The following LRP1B variants were observed in gnomAD, a reference collection of about 807,000 sequenced individuals.
LRP1B encodes low-density lipoprotein receptor-related protein 1B.
In LRP1B, 217 loss-of-function variants were observed where a neutral mutation model predicts 556.6. The observed-to-expected ratio is 0.39, with a 90% CI of 0.35 to 0.44. The LOEUF (loss-of-function observed/expected upper bound fraction) is 0.44, where lower values mean the gene tolerates loss of function less well. Among genes scored for constraint, LRP1B ranks in the 20% least tolerant of loss-of-function variants. The pLI is 1.00. For missense variants in LRP1B, 5,053 were observed against 5,620.8 expected (o/e 0.90, Z 3.23); for synonymous variants, 2,047 against 1,865.8 (o/e 1.10, Z -2.50).
At chr2:140,542,975 C>T (rs1000094709) in intron 43 of LRP1B, among the ~76,000 whole-genome samples, 1 of 152,144 alleles carries the variant, frequency 6.6e-6, no homozygotes, top group African/African-American at 2.4e-5. Context: ...TTAACACCAA[C>T]CAGATTCAAA....
chr2:141,729,462 G>A (rs1278934028), intron 2 of LRP1B, among the ~76,000 whole-genome samples: 3 of 152,096 alleles, frequency 2.0e-5, no homozygotes, highest in Non-Finnish European at 4.4e-5. Flanking sequence ...TAAGTTCTGT[G>A]AGCTATTGTA....
chr2:142,041,748 G>A (rs920873724), intron 1 of LRP1B, among the ~76,000 whole-genome samples: 1 of 151,114 alleles, frequency 6.6e-6, no homozygotes, highest in Non-Finnish European at 1.5e-5. Flanking sequence ...TGGGAAGTAG[G>A]AGAGACACAA....
chr2:140,436,641 G>A (rs1686196675), intron 66 of LRP1B, among the ~76,000 whole-genome samples: 1 of 149,044 alleles, frequency 6.7e-6, no homozygotes, highest in Non-Finnish European at 1.5e-5. Flanking sequence ...GCCAGTGTGA[G>A]AAGTAGAGAA....
chr2:141,626,080 C>T (rs1369157541), intron 2 of LRP1B, among the ~76,000 whole-genome samples: 2 of 152,058 alleles, frequency 1.3e-5, no homozygotes, highest in East Asian at 3.9e-4. Flanking sequence ...ACACATACTA[C>T]ACTGCTTTAC....
rs551789821 is a variant in LRP1B, at chr2:140,416,187, T to G, written c.10414+26317A>C. ...ATCAGCTGTGGCATTAGATTCTCAA[T>G]GTGAACCCTATCGTGAAATGCATAT... On this transcript the variant is annotated intron_variant, in intron 66 of 90. Transcript: ENST00000389484. 2.0e-5 allele frequency among the ~76,000 whole-genome samples: 3 copies of G among 152,320 alleles called. 1 individual carries two copies.
intron 49 of LRP1B, among the ~76,000 whole-genome samples, chr2:140,519,092 C>T (rs187190327): frequency 1.5e-4 from 23 of 152,188 alleles, no homozygotes; most frequent in African/African-American, 5.5e-4. Flanking sequence ...ACTTTCTTCA[C>T]AGAATTGGAA....
intron 1 of LRP1B, among the ~76,000 whole-genome samples, chr2:141,984,325 A>AG (rs1339395087): frequency 1.3e-5 from 2 of 151,692 alleles, no homozygotes; most frequent in African/African-American, 2.4e-5. Context: ...AATTTGGGAA[A>AG]GGGGGAAAAA....
At chr2:141,270,949 T>C (rs1685068220) in intron 3 of LRP1B, among the ~76,000 whole-genome samples, 1 of 152,012 alleles carries the variant, frequency 6.6e-6, no homozygotes, top group Non-Finnish European at 1.5e-5. Flanking sequence ...TTATATTATA[T>C]GTGTGTTACC....
intron 1 of LRP1B, among the ~76,000 whole-genome samples, chr2:142,118,283 C>T (rs1179493311): frequency 6.6e-6 from 1 of 152,122 alleles, no homozygotes; most frequent in African/African-American, 2.4e-5. Flanking sequence ...AAGAATTTTA[C>T]TAATCCTCTT....
At chr2:142,077,474 A>G (rs969914146) in intron 1 of LRP1B, among the ~76,000 whole-genome samples, 21 of 152,164 alleles carry the variant, frequency 1.4e-4, no homozygotes. Flanking sequence ...TTGCAACTAC[A>G]TATTTCACTT....
At chr2:141,288,628 T>G (rs1424674566) in intron 3 of LRP1B, among the ~76,000 whole-genome samples, 2 of 152,200 alleles carry the variant, frequency 1.3e-5, no homozygotes, top group Non-Finnish European at 2.9e-5. Flanking sequence ...TGAAACTGAT[T>G]ATCTTAAATG....
chr2:141,905,111 GGAT>G (rs1447710247), intron 1 of LRP1B, among the ~76,000 whole-genome samples: 2 of 151,854 alleles, frequency 1.3e-5, no homozygotes, highest in African/African-American at 2.4e-5. Flanking sequence ...TCTTTAAGAT[GGAT>G]GATATTAAGG....
chr2:141,984,491 T>C (rs1180248993), intron 1 of LRP1B, among the ~76,000 whole-genome samples: 2 of 152,064 alleles, frequency 1.3e-5, no homozygotes, highest in African/African-American at 4.8e-5. Flanking sequence ...AAAATAAATA[T>C]ATATAGAAGG....
intron 3 of LRP1B, among the ~76,000 whole-genome samples, chr2:141,285,725 G>A (rs1214931964): frequency 4.8e-5 from 7 of 145,562 alleles, no homozygotes; most frequent in Non-Finnish European, 3.0e-5. Context: ...CAAAGTGCTG[G>A]GATTACAGGT....
intron 1 of LRP1B, among the ~76,000 whole-genome samples, chr2:141,942,411 A>G (rs149556923): frequency 6.6e-5 from 10 of 152,214 alleles, no homozygotes; most frequent in Non-Finnish European, 1.2e-4. Context: ...TTGGTTGCCA[A>G]TAATTGCACT....
intron 3 of LRP1B, among the ~76,000 whole-genome samples, chr2:141,390,037 C>A: frequency 6.6e-6 from 1 of 152,114 alleles, no homozygotes; most frequent in East Asian, 1.9e-4. Context: ...ACTCAGGGGG[C>A]TGAGGCAAGA....
intron 18 of LRP1B, among the ~76,000 whole-genome samples, chr2:140,971,037 C>T (rs1413264530): frequency 6.6e-6 from 1 of 152,144 alleles, no homozygotes; most frequent in Non-Finnish European, 1.5e-5. Context: ...AGCCACCGTG[C>T]TCAGCCTCTA....
rs533330749 is a variant in LRP1B, at chr2:140,505,842, C to G, written c.8521+954G>C. On this transcript the variant is annotated intron_variant, in intron 53 of 90. Transcript: ENST00000389484. ...AGCATATATAAAGTTCACAGCTTTT[C>G]ATTACATATATTTATTCTTGTCTAT... Among the ~76,000 whole-genome samples, 72 of 152,148 alleles carry G rather than the reference C, an allele frequency of 4.7e-4. 1 individual carries two copies. The highest frequency in any genetic ancestry group is 2.4e-4 in the Non-Finnish European group (16 of 68,024).
At chr2:140,433,404 A>G (rs757017399) in intron 66 of LRP1B, among the ~76,000 whole-genome samples, 3 of 152,186 alleles carry the variant, frequency 2.0e-5, no homozygotes, top group Non-Finnish European at 2.9e-5. Context: ...GACAGATGTT[A>G]TACTTGCAAT....
Sources: allele counts gnomAD v4.1 joint callset (sites outside exome capture counted in the v4.1 genomes callset), GRCh38; gene constraint gnomAD v4.1.1; transcripts MANE v1.5; gene names NCBI Gene and HGNC (gene_info 2026-07-23, HGNC 2026-07-21).